RBFOX1: variants seen among roughly 807,000 people sequenced by gnomAD.
RBFOX1 encodes RNA binding fox-1 homolog 1.
Under a neutral mutation model 57.7 loss-of-function variants are expected in RBFOX1, and 8 were observed. That is an observed-to-expected ratio of 0.14 (90% CI 0.08 to 0.25). The LOEUF is 0.25. Ranked by LOEUF, RBFOX1 falls within the 10% of genes least tolerant of loss-of-function variation. The pLI, the probability that RBFOX1 is intolerant of heterozygous loss-of-function variation, is 1.00. For missense variants in RBFOX1, 611 were observed against 548.5 expected (o/e 1.11, Z -1.14); for synonymous variants, 326 against 222.4 (o/e 1.47, Z -4.15).
At chr16:7,310,390 A>G (rs377326579) in intron 4 of RBFOX1, among the ~76,000 whole-genome samples, 1 of 151,958 alleles carries the variant, frequency 6.6e-6, no homozygotes, top group East Asian at 2.0e-4. Flanking sequence ...GATCCCGGCT[A>G]AAAAAGTGAC....
chr16:6,025,924 A>C (rs1371037911), intron 1 of RBFOX1, among the ~76,000 whole-genome samples: 1 of 152,172 alleles, frequency 6.6e-6, no homozygotes, highest in Non-Finnish European at 1.5e-5. Context: ...ATAAGTGTAC[A>C]TGGATTGAAC....
upstream of RBFOX1, chr16:6,019,001 G>T (rs1051531263): frequency 1.3e-6 from 1 of 777,794 alleles, no homozygotes. The surrounding 1 kb of genome is among the most constrained non-coding windows in gnomAD (Gnocchi z 4.2). Context: ...GGGGAAGGGG[G>T]AGGGGGCGCT....
intron 4 of RBFOX1, among the ~76,000 whole-genome samples, chr16:7,355,990 G>A (rs941642290): frequency 2.0e-5 from 3 of 152,118 alleles, no homozygotes; most frequent in African/African-American, 7.2e-5. Flanking sequence ...GGGTAAATAC[G>A]GCCCATGCAC....
At chr16:7,103,927 C>G (rs751541573) in intron 4 of RBFOX1, among the ~76,000 whole-genome samples, 2 of 152,156 alleles carry the variant, frequency 1.3e-5, no homozygotes, top group African/African-American at 4.8e-5. Flanking sequence ...CTCTTTCAAA[C>G]ATCCATGGAC....
intron 2 of RBFOX1, among the ~76,000 whole-genome samples, chr16:6,359,059 A>C (rs1047434496): frequency 2.6e-5 from 4 of 151,514 alleles, no homozygotes; most frequent in Non-Finnish European, 5.9e-5. Context: ...ACAAATGCTC[A>C]GCTTGTTGTT....
chr16:7,272,423 A>T (rs561452145), intron 4 of RBFOX1, among the ~76,000 whole-genome samples: 2 of 152,238 alleles, frequency 1.3e-5, no homozygotes, highest in Admixed American at 6.5e-5. Flanking sequence ...GACCTCAGTG[A>T]TCCACCTGCC....
chr16:7,464,692 T>G (rs2060182485), intron 4 of RBFOX1, among the ~76,000 whole-genome samples: 3 of 119,928 alleles, frequency 2.5e-5, no homozygotes, highest in African/African-American at 3.4e-5. Flanking sequence ...GTCTGTCTTT[T>G]TTTTTTTTTT....
chr16:6,974,492 G>A (rs375390505), intron 3 of RBFOX1, among the ~76,000 whole-genome samples: 10 of 151,570 alleles, frequency 6.6e-5, no homozygotes, highest in South Asian at 4.2e-4. Context: ...TAACAGGTGC[G>A]TGCCACCACG....
intron 2 of RBFOX1, among the ~76,000 whole-genome samples, chr16:5,504,140 C>T (rs1485054396): frequency 3.3e-5 from 5 of 152,220 alleles, no homozygotes; most frequent in Non-Finnish European, 7.3e-5. Context: ...ACAGCACAAG[C>T]AGCTTGGCTC....
rs575383360 is a variant in RBFOX1 at position 6,715,549 on chromosome 16, C to T, written c.-16+60899C>T. Reference sequence around the variant, plus strand: ...TCTAACGGAACTTTATTGCCTCCATCGCTGAAAACTCCCGAAGAGTCTTAA... The same window carrying T: ...TCTAACGGAACTTTATTGCCTCCATTGCTGAAAACTCCCGAAGAGTCTTAA... On this transcript the variant is annotated intron_variant, in intron 3 of 15. Coordinates refer to ENST00000550418, the MANE Select transcript of RBFOX1 (RefSeq NM_018723.4). Among the ~76,000 whole-genome samples, 463 of 152,262 alleles carry T rather than the reference C, an allele frequency of 3.0e-3. 3 individuals carry two copies. The highest frequency in any genetic ancestry group is 5.5e-3 in the Non-Finnish European group (374 of 68,028).
chr16:7,238,304 A>T (rs2093877283), intron 4 of RBFOX1, among the ~76,000 whole-genome samples: 1 of 151,408 alleles, frequency 6.6e-6, no homozygotes, highest in African/African-American at 2.4e-5. Context: ...ACTTAACACT[A>T]CTCAACTGCA....
intron 5 of RBFOX1, among the ~76,000 whole-genome samples, chr16:7,557,724 C>T (rs1209229141): frequency 1.4e-5 from 2 of 146,932 alleles, no homozygotes; most frequent in Admixed American, 1.4e-4. Context: ...GCGCTTGTTA[C>T]AAACACATAT....
At chr16:5,383,015 C>T (rs1258028924) in intron 1 of RBFOX1, among the ~76,000 whole-genome samples, 1 of 152,188 alleles carries the variant, frequency 6.6e-6, no homozygotes, top group Non-Finnish European at 1.5e-5. Flanking sequence ...GCATTAATTT[C>T]CTCCCTTGCT....
chr16:6,440,670 G>C (rs1240109333), intron 2 of RBFOX1, among the ~76,000 whole-genome samples: 1 of 151,868 alleles, frequency 6.6e-6, no homozygotes, highest in Non-Finnish European at 1.5e-5. Flanking sequence ...GTGTGGTACT[G>C]GGCATCTGTA....
chr16:6,041,813 G>A (rs1221972969), intron 1 of RBFOX1, among the ~76,000 whole-genome samples: 1 of 152,288 alleles, frequency 6.6e-6, no homozygotes, highest in Admixed American at 6.5e-5. Flanking sequence ...TCCTTCCTCA[G>A]TGTGTAGTTT....
chr16:5,838,938 C>T (rs2056543805), intron 3 of RBFOX1, among the ~76,000 whole-genome samples: 1 of 152,152 alleles, frequency 6.6e-6, no homozygotes, highest in East Asian at 1.9e-4. Flanking sequence ...TGCTTCTCAG[C>T]TGGAGGAAAA....
At position 7,022,802 on chromosome 16, in the gene RBFOX1, T is replaced by C. The variant is rs531118302; in HGVS notation, c.-15-29255T>C. 1.7e-4 allele frequency among the ~76,000 whole-genome samples: 26 copies of C among 152,318 alleles called. 2 individuals are homozygous for C. In the South Asian group the frequency reaches 5.2e-3, roughly 30 times the overall value. On this transcript the variant is annotated intron_variant, in intron 3 of 15. Coordinates refer to ENST00000550418, the MANE Select transcript of RBFOX1 (RefSeq NM_018723.4). ...CATTTTATCCATGAGACAAGTTCTA[T>C]TCTTATTGACCTGATTTTATATCCA...
chr16:7,218,315 C>G (rs892175006), intron 4 of RBFOX1, among the ~76,000 whole-genome samples: 2 of 152,210 alleles, frequency 1.3e-5, no homozygotes, highest in African/African-American at 2.4e-5. Context: ...CTATAATACT[C>G]TAAGCCATCA....
chr16:6,565,100 C>T (rs1277896230), intron 2 of RBFOX1, among the ~76,000 whole-genome samples: 1 of 143,678 alleles, frequency 7.0e-6, no homozygotes. Context: ...CACTGCACTC[C>T]AGCCTGGGTG....
Sources: gnomAD v4.1 joint callset for allele counts (sites outside exome capture counted in the v4.1 genomes callset) on GRCh38, gnomAD v4.1.1 for gene constraint, Gnocchi (gnomAD v3.1) non-coding constraint, MANE v1.5 for transcripts, NCBI Gene and HGNC (gene_info 2026-07-23, HGNC 2026-07-21) for gene names.